Variants in NLGN4X observed in about 807,000 individuals in gnomAD.
NLGN4X encodes neuroligin-4, X-linked.
In NLGN4X, 3 loss-of-function variants were observed where a neutral mutation model predicts 40.3. The ratio of observed to expected loss-of-function variants is 0.07; its 90% CI spans 0.03 to 0.19. NLGN4X has a LOEUF of 0.19. NLGN4X is among the 10% of genes least tolerant of loss of function. NLGN4X has a pLI of 1.00. For missense variants in NLGN4X, 382 were observed against 708.3 expected, an observed-to-expected ratio of 0.54 and a Z score of 5.23; for synonymous variants, 270 against 306.8, an observed-to-expected ratio of 0.88 and a Z score of 1.25.
intron 2 of NLGN4X, among the ~76,000 whole-genome samples, chrX:6,109,782 G>A (rs183663207): frequency 6.3e-4 from 71 of 111,980 alleles, no homozygotes; most frequent in African/African-American, 2.2e-3. Context: ...TGTAGAATGT[G>A]CAAACCCCAT....
At chrX:6,137,110 T>C (rs2039837335) in intron 2 of NLGN4X, among the ~76,000 whole-genome samples, 1 of 112,245 alleles carries the variant, frequency 8.9e-6, no homozygotes, top group Non-Finnish European at 1.9e-5. Context: ...AAAATTAAGA[T>C]GATTCCTTCT....
chrX:6,093,518 G>T (rs770191006), intron 2 of NLGN4X, among the ~76,000 whole-genome samples: 1 of 111,421 alleles, frequency 9.0e-6, no homozygotes, highest in South Asian at 3.8e-4. Context: ...TAAAAGGAAT[G>T]CATAAAAAAG....
At chrX:6,048,217 T>A (rs1326619151) in intron 2 of NLGN4X, among the ~76,000 whole-genome samples, 1 of 112,084 alleles carries the variant, frequency 8.9e-6, no homozygotes, top group Non-Finnish European at 1.9e-5. Flanking sequence ...TGGAACAAGA[T>A]CTACCATGTT....
chrX:5,960,500 G>A (rs960202782), intron 3 of NLGN4X, among the ~76,000 whole-genome samples: 2 of 111,431 alleles, frequency 1.8e-5, no homozygotes, highest in African/African-American at 6.5e-5. Context: ...AAGGAATTTA[G>A]GTATAATGAG....
chrX:6,035,919 T>C lies in NLGN4X; in HGVS notation c.473-6487A>G, dbSNP rs139206162. Among the ~76,000 whole-genome samples the C allele has an allele frequency of 8.0e-3, 894 of 112,213 alleles. 6 individuals carry two copies. Among genetic ancestry groups the C allele is most frequent in the African/African-American group, 0.028 (861 of 30,892 alleles). ...GTGAGAATACAGTGCATTGTATATA[T>C]AACATACAAAAGATGTGATAATTAG... On this transcript the variant is annotated intron_variant, in intron 2 of 5. Coordinates refer to ENST00000381095, the MANE Select transcript of NLGN4X (RefSeq NM_181332.3).
At chrX:6,117,194 C>T (rs988890188) in intron 2 of NLGN4X, among the ~76,000 whole-genome samples, 1 of 110,514 alleles carries the variant, frequency 9.0e-6, no homozygotes, top group East Asian at 2.9e-4. Flanking sequence ...CATATTTGTC[C>T]GCATCTTTGT....
chrX:5,976,418 A>G (rs1569163721), intron 3 of NLGN4X, among the ~76,000 whole-genome samples: 1 of 112,118 alleles, frequency 8.9e-6, no homozygotes. Context: ...CATGCTTCTC[A>G]TTCTGTGAAA....
intron 3 of NLGN4X, among the ~76,000 whole-genome samples, chrX:5,964,308 G>C (rs760505598): frequency 9.0e-6 from 1 of 111,592 alleles, no homozygotes; most frequent in Non-Finnish European, 1.9e-5. Context: ...ACAATGCAAG[G>C]AGACAAAAAT....
intron 3 of NLGN4X, among the ~76,000 whole-genome samples, chrX:5,994,479 G>T (rs1319220358): frequency 2.7e-5 from 3 of 111,728 alleles, no homozygotes; most frequent in Non-Finnish European, 5.6e-5. Flanking sequence ...CAACATAATG[G>T]TCTAAAGGAA....
At chrX:5,931,512 GT>G (rs1242019501) in intron 3 of NLGN4X, among the ~76,000 whole-genome samples, 1 of 112,115 alleles carries the variant, frequency 8.9e-6, no homozygotes, top group African/African-American at 3.2e-5. Context: ...CTATCAAATA[GT>G]TAAGTATTTC....
chrX:6,189,696 G>T (rs750350745), intron 1 of NLGN4X, among the ~76,000 whole-genome samples: 8 of 110,867 alleles, frequency 7.2e-5, no homozygotes, highest in Non-Finnish European at 1.5e-4. Flanking sequence ...GCTTCTCCTT[G>T]GAACTAGGAC....
At chrX:6,220,574 T>C (rs1206874771) in intron 1 of NLGN4X, among the ~76,000 whole-genome samples, 1 of 106,797 alleles carries the variant, frequency 9.4e-6, no homozygotes, top group Non-Finnish European at 1.9e-5. Context: ...TTGGAACTAG[T>C]ACTCAAATTA....
intron 2 of NLGN4X, among the ~76,000 whole-genome samples, chrX:6,108,476 C>T (rs755382159): frequency 9.1e-6 from 1 of 109,854 alleles, no homozygotes; most frequent in African/African-American, 3.3e-5. Context: ...AGCAGCCTGG[C>T]CAACATGGCA....
intron 3 of NLGN4X, among the ~76,000 whole-genome samples, chrX:5,986,644 T>C (rs1328470810): frequency 1.8e-5 from 2 of 111,695 alleles, no homozygotes; most frequent in Non-Finnish European, 3.8e-5. Flanking sequence ...ATTTGCAACA[T>C]ATATAATCAG....
intron 1 of NLGN4X, among the ~76,000 whole-genome samples, chrX:6,193,969 T>C (rs1922815341): frequency 8.9e-6 from 1 of 112,398 alleles, no homozygotes; most frequent in African/African-American, 3.2e-5. Flanking sequence ...AGAGATGTTT[T>C]GCTGTGGCAG....
chrX:6,026,811 G>C lies in NLGN4X; in HGVS notation c.625+2469C>G, dbSNP rs73627046. ...TAAAAACTCTCCATAACAAAAAGTA[G>C]ACTTAACAATTTTTCAATTAGTTTT... On this transcript the variant is annotated intron_variant, in intron 3 of 5. Transcript: ENST00000381095. Among the ~76,000 whole-genome samples, 983 of 110,896 alleles carry C rather than the reference G, an allele frequency of 8.9e-3. 11 individuals carry two copies. Among genetic ancestry groups the C allele is most frequent in the African/African-American group, 0.031 (938 of 30,454 alleles).
At chrX:6,098,725 A>G (rs192637277) in intron 2 of NLGN4X, among the ~76,000 whole-genome samples, 1 of 111,274 alleles carries the variant, frequency 9.0e-6, no homozygotes, top group Non-Finnish European at 1.9e-5. Flanking sequence ...GGCTCCTTCG[A>G]GCCCTGGAGT....
chrX:6,226,582 C>G (rs1279367318), intron 1 of NLGN4X: 1 of 111,601 alleles, frequency 9.0e-6, no homozygotes, highest in African/African-American at 3.3e-5. Flanking sequence ...ATACCGGGGG[C>G]GCAAAGCTTC....
chrX:6,056,907 A>G (rs2037645889), intron 2 of NLGN4X, among the ~76,000 whole-genome samples: 1 of 112,175 alleles, frequency 8.9e-6, no homozygotes, highest in Non-Finnish European at 1.9e-5. Context: ...CTCTGCATCC[A>G]AGCAAACGTC....
Sources: allele counts gnomAD v4.1 joint callset (sites outside exome capture counted in the v4.1 genomes callset), GRCh38; gene constraint gnomAD v4.1.1; transcripts MANE v1.5; gene names NCBI Gene and HGNC (gene_info 2026-07-23, HGNC 2026-07-21).